The following THSD1 variants were observed in gnomAD, a reference collection of about 807,000 sequenced individuals.
The protein encoded by THSD1 is thrombospondin type-1 domain-containing protein 1.
Under a neutral mutation model 46.3 loss-of-function variants are expected in THSD1, and 34 were observed. The observed-to-expected ratio is 0.74, with a 90% CI of 0.56 to 0.98. The LOEUF (loss-of-function observed/expected upper bound fraction) is 0.98, where lower values mean the gene tolerates loss of function less well. THSD1 is among the 50% of genes least tolerant of loss of function. The probability of loss-of-function intolerance (pLI) is 0.00; values close to 1 mark genes in which losing one functional copy is unlikely to be tolerated. For synonymous variants in THSD1, 407 were observed against 416.5 expected, an observed-to-expected ratio of 0.98 and a Z score of 0.28; for missense variants, 1,023 against 1,058.3, an observed-to-expected ratio of 0.97 and a Z score of 0.46.
intron 3 of THSD1, among the ~76,000 whole-genome samples, chr13:52,389,322 TA>T (rs1463959978): frequency 6.6e-6 from 1 of 151,814 alleles, no homozygotes; most frequent in Non-Finnish European, 1.5e-5. Context: ...AGTAAACCAT[TA>T]AAATATTCAA....
At chr13:52,397,021 T>C (rs190685276) in intron 3 of THSD1, among the ~76,000 whole-genome samples, 1 of 152,178 alleles carries the variant, frequency 6.6e-6, no homozygotes, top group Non-Finnish European at 1.5e-5. Flanking sequence ...TTGCCCCTAT[T>C]TTACTGATGG....
rs1200198657 is a variant in THSD1 at position 52,397,301 on chromosome 13, C to T, written c.952G>A (p.Asp318Asn). 2 of 1,613,602 alleles carry T rather than the reference C, an allele frequency of 1.2e-6. No individual in the cohort carries two copies. The highest frequency in any genetic ancestry group is 1.7e-4 in the Middle Eastern group (1 of 6,058). The change falls in exon 3 of 5, where the codon GAC becomes AAC. Residue 318 changes from aspartate to asparagine, a missense_variant. Asp to Asn is a conservative substitution (Grantham distance 23). Coordinates refer to ENST00000258613, the MANE Select transcript of THSD1 (RefSeq NM_018676.4). ...FDMGKNKYCFDFGISSRSHFS... is the reference protein window; with the variant it reads ...FDMGKNKYCFNFGISSRSHFS... The stretch of plus-strand genomic sequence containing the variant: ...TGGCTTCTGCTTGAAATGCCAAAGT[C>T]AAAGCAGTACTTATTCTTCCCCATG...
rs538615273 is a variant in THSD1 at position 52,378,628 on chromosome 13, G to A, written c.1342C>T (p.Pro448Ser). 6.2e-7 allele frequency: 1 copy of A among 1,614,100 alleles called. No homozygotes were observed. The highest frequency in any genetic ancestry group is 1.7e-5 in the Admixed American group (1 of 60,014). ...RFGRPAKCST[P>S]ARHNSIHSPS... ...GAGTGGATGGAGTTGTGTCGAGCAG[G>A]TGTGCTGCACTTGGCTGGCCGGCCG... is the stretch of plus-strand genomic sequence containing the variant. The change falls in exon 5 of 5, where the codon CCT becomes TCT. Residue 448 changes from proline (P) to serine (S), a missense_variant. Pro to Ser is a moderately conservative substitution (Grantham distance 74, BLOSUM62 -1). Coordinates refer to ENST00000258613, the MANE Select transcript of THSD1 (RefSeq NM_018676.4).
intron 1 of THSD1, among the ~76,000 whole-genome samples, chr13:52,405,421 T>C (rs1957899156): frequency 6.6e-6 from 1 of 152,244 alleles, no homozygotes; most frequent in Non-Finnish European, 1.5e-5. Context: ...TGCTTGTGTG[T>C]ATATATACCA....
chr13:52,379,278 G>T (rs1957672905), intron 4 of THSD1, among the ~76,000 whole-genome samples: 2 of 152,062 alleles, frequency 1.3e-5, no homozygotes, highest in Admixed American at 6.6e-5. Context: ...TGGGATTTCT[G>T]GTCTTACATA....
chr13:52,398,787 A>C (rs551209738), intron 2 of THSD1, among the ~76,000 whole-genome samples: 1 of 152,202 alleles, frequency 6.6e-6, no homozygotes, highest in South Asian at 2.1e-4. Flanking sequence ...AGGATTAAAA[A>C]CCCAGTATCT....
intron 4 of THSD1, among the ~76,000 whole-genome samples, chr13:52,381,910 C>G (rs900723053): frequency 2.0e-5 from 3 of 152,206 alleles, no homozygotes; most frequent in African/African-American, 7.2e-5. Context: ...CAACCTATCC[C>G]CAAGATTCCA....
rs141140186 is a variant in THSD1, at chr13:52,378,171, C to T, written c.1799G>A (p.Gly600Glu). ...ATCCAGCCTGGAGGGAGGCCTTTCC[C>T]CGGCACTGACCGCGGGCTGCTCCGG... Reference protein sequence around the residue: ...PFPEQPAVSAGERPPSRLDLN... With the variant: ...PFPEQPAVSAEERPPSRLDLN... Residue 600 changes from glycine to glutamate, a missense_variant, in exon 5 of 5, where the codon GGG (glycine) becomes GAG (glutamate). This residue lies in a region of THSD1 where 578 missense variants were observed against 497.4 expected (regional missense o/e 1.16). Transcript: ENST00000258613. 1,099 of 1,614,048 alleles carry T rather than the reference C, an allele frequency of 6.8e-4. 3 individuals carry two copies. Among genetic ancestry groups the T allele is most frequent in the Non-Finnish European group, 8.4e-4 (991 of 1,180,038 alleles).
chr13:52,399,159 A>C (rs556781406), intron 2 of THSD1, among the ~76,000 whole-genome samples: 1 of 152,382 alleles, frequency 6.6e-6, no homozygotes, highest in African/African-American at 2.4e-5. Context: ...TAAATAGGAC[A>C]GATGACTACT....
intron 3 of THSD1, among the ~76,000 whole-genome samples, chr13:52,394,152 T>C (rs1020985638): frequency 6.6e-6 from 1 of 152,054 alleles, no homozygotes; most frequent in South Asian, 2.1e-4. Flanking sequence ...CCTTTAGACA[T>C]GGAATGGAAG....
chr13:52,392,190 C>CAAAAAAAAAAAAAAAAA (rs368671089), intron 3 of THSD1, among the ~76,000 whole-genome samples: 1 of 69,752 alleles, frequency 1.4e-5, no homozygotes, highest in African/African-American at 6.4e-5. Flanking sequence ...AGACTCCTCT[C>CAAAAAAAAAAAAAAAAA]AAAAAAAAAA....
At chr13:52,384,184 C>CAAAAAA (rs754288122) in intron 4 of THSD1, 33 of 162,526 alleles carry the variant, frequency 2.0e-4, no homozygotes, top group African/African-American at 2.4e-4. Context: ...AACTCCGTCT[C>CAAAAAA]AAAAAAAAAA....
rs1236045934 is a variant in THSD1 at position 52,377,415 on chromosome 13, A to G, written c.2555T>C (p.Ile852Thr). The part of the protein sequence containing the change: ...TSTLSVEKLV[I>T] ...AAGCTCAGGCTGATTCTCAGTCTAG[A>G]TCACCAGCTTCTCCACGCTAAGTGT... The change falls in exon 5 of 5, where the codon ATC becomes ACC. Residue 852 changes from isoleucine to threonine, a missense_variant. Transcript: ENST00000258613. 6.5e-7 allele frequency: 1 copy of G among 1,542,448 alleles called. No homozygotes were observed. The highest frequency in any genetic ancestry group is 1.9e-5 in the Admixed American group (1 of 52,618).
At chr13:52,399,347 G>A (rs995826865) in intron 2 of THSD1, among the ~76,000 whole-genome samples, 5 of 152,326 alleles carry the variant, frequency 3.3e-5, no homozygotes, top group Admixed American at 2.0e-4. Context: ...CAGCTGGCCC[G>A]TGGCTAGGGT....
At chr13:52,399,071 A>G (rs1327077664) in intron 2 of THSD1, among the ~76,000 whole-genome samples, 1 of 152,232 alleles carries the variant, frequency 6.6e-6, no homozygotes, top group African/African-American at 2.4e-5. Context: ...GGATAACCGA[A>G]GGGATAGGGT....
intron 3 of THSD1, among the ~76,000 whole-genome samples, chr13:52,396,154 A>T (rs957138766): frequency 6.6e-6 from 1 of 152,072 alleles, no homozygotes; most frequent in Non-Finnish European, 1.5e-5. Context: ...GAAGTGGGTA[A>T]ATTTGCAGCA....
intron 2 of THSD1, among the ~76,000 whole-genome samples, chr13:52,399,605 C>T (rs1454785168): frequency 1.3e-5 from 2 of 152,066 alleles, no homozygotes; most frequent in African/African-American, 4.8e-5. Context: ...CAGCATTTCA[C>T]CTAGTTCTCA....
At chr13:52,387,458 C>A (rs1700971464) in intron 3 of THSD1, among the ~76,000 whole-genome samples, 1 of 152,098 alleles carries the variant, frequency 6.6e-6, no homozygotes, top group Non-Finnish European at 1.5e-5. Context: ...AGGAAAAAAA[C>A]CATAAAACTA....
At chr13:52,404,861 T>C (rs988676134) in intron 1 of THSD1, among the ~76,000 whole-genome samples, 2 of 152,202 alleles carry the variant, frequency 1.3e-5, no homozygotes, top group Non-Finnish European at 2.9e-5. Context: ...CTTATGAAAA[T>C]GATCGGTAAA....
Sources: gnomAD v4.1 joint callset for allele counts (sites outside exome capture counted in the v4.1 genomes callset) on GRCh38, gnomAD v4.1.1 for gene constraint, gnomAD v4.1.1 regional missense constraint, MANE v1.5 for transcripts, NCBI Gene and HGNC (gene_info 2026-07-23, HGNC 2026-07-21) for gene names.